TBC1D30: variants seen among roughly 807,000 people sequenced by gnomAD.
TBC1D30 encodes TBC1 domain family member 30.
Under a neutral mutation model 63.2 loss-of-function variants are expected in TBC1D30, and 31 were observed. The observed-to-expected ratio is 0.49, with a 90% CI of 0.37 to 0.66. The LOEUF (loss-of-function observed/expected upper bound fraction) is 0.66, where lower values mean the gene tolerates loss of function less well. Among genes scored for constraint, TBC1D30 ranks in the 30% least tolerant of loss-of-function variants. The probability of loss-of-function intolerance (pLI) is 0.00; values close to 1 mark genes in which losing one functional copy is unlikely to be tolerated. For synonymous variants in TBC1D30, 307 were observed against 361.5 expected (o/e 0.85, Z 1.71); for missense variants, 810 against 953.6 (o/e 0.85, Z 1.98).
At chr12:64,859,992 T>G (rs573405124) in intron 8 of TBC1D30, among the ~76,000 whole-genome samples, 8 of 151,418 alleles carry the variant, frequency 5.3e-5, no homozygotes, top group Admixed American at 2.0e-4. Context: ...TCCTCTGTAC[T>G]CCTCCAGTAC....
chr12:64,813,230 A>G (rs1873318849), intron 2 of TBC1D30, among the ~76,000 whole-genome samples: 1 of 152,146 alleles, frequency 6.6e-6, no homozygotes, highest in African/African-American at 2.4e-5. Context: ...TCTCTACTAA[A>G]AATACAAAAA....
At chr12:64,851,975 T>G (rs546600299) in intron 8 of TBC1D30, among the ~76,000 whole-genome samples, 1 of 152,286 alleles carries the variant, frequency 6.6e-6, no homozygotes, top group South Asian at 2.1e-4. Context: ...TCAACCTTGG[T>G]GAATCTGACG....
intron 8 of TBC1D30, among the ~76,000 whole-genome samples, chr12:64,861,439 G>A (rs2136451838): frequency 6.6e-6 from 1 of 152,086 alleles, no homozygotes; most frequent in South Asian, 2.1e-4. Flanking sequence ...CCAAAATAGT[G>A]CCAGATGAAA....
intron 1 of TBC1D30, among the ~76,000 whole-genome samples, chr12:64,767,714 C>T (rs186026990): frequency 7.3e-6 from 1 of 137,134 alleles, no homozygotes; most frequent in African/African-American, 2.7e-5. Context: ...ACATTGATGA[C>T]ATCATGCTGA....
intron 8 of TBC1D30, among the ~76,000 whole-genome samples, chr12:64,844,112 G>A (rs1028158414): frequency 3.3e-5 from 5 of 152,102 alleles, no homozygotes; most frequent in African/African-American, 1.2e-4. Context: ...CTTGTGGGGG[G>A]AAACACTTAT....
rs1336265266 is a variant in TBC1D30 at position 64,875,605 on chromosome 12, C to T, written c.2103C>T (p.Gly701=). Residue 701 remains glycine, a synonymous_variant, in exon 12 of 12, where the codon GGC becomes GGT. Transcript: ENST00000539867. ...AAGCCACCAGCAAAGCTCCCCAAGG[C>T]AGCAACTCAAAAACCCCCATCTTTA... ...ENKATSKAPQ[G]SNSKTPIFSP... The T allele has an allele frequency of 6.5e-7, 1 of 1,536,126 alleles. No individual in the cohort carries two copies. The highest frequency in any genetic ancestry group is 1.4e-5 in the African/African-American group (1 of 73,040).
At chr12:64,764,496 G>A (rs138444167) in intron 1 of TBC1D30, among the ~76,000 whole-genome samples, 37 of 152,226 alleles carry the variant, frequency 2.4e-4, no homozygotes, top group African/African-American at 8.2e-4. Flanking sequence ...TAATTCTCTT[G>A]CTAAAAACAA....
At position 64,838,754 on chromosome 12, in the gene TBC1D30, C is replaced by T. The variant is rs945679332; in HGVS notation, c.835C>T (p.Pro279Ser). The change falls in exon 7 of 12, where the codon CCT becomes TCT. Residue 279 changes from proline (P) to serine (S), a missense_variant. By Grantham distance (74) the Pro-to-Ser change is moderately conservative. Around this residue, in one of 4 missense-constraint regions of TBC1D30, gnomAD observed 5 missense variants for 23.2 expected, o/e 0.22. Transcript: ENST00000539867. ...TCTGACTCTCTTTGCCACATGCCTC[C>T]CTAATCAGACCGTTTTAAAGATCTG... Reference protein sequence around the residue: ...WFLTLFATCLPNQTVLKIWDS... With the variant: ...WFLTLFATCLSNQTVLKIWDS... 2 of 1,536,362 alleles carry T rather than the reference C, an allele frequency of 1.3e-6. No individual in the cohort carries two copies. Among genetic ancestry groups the T allele is most frequent in the African/African-American group, 2.7e-5 (2 of 73,000 alleles).
chr12:64,853,607 G>A (rs910689333), intron 8 of TBC1D30, among the ~76,000 whole-genome samples: 1 of 152,200 alleles, frequency 6.6e-6, no homozygotes, highest in Non-Finnish European at 1.5e-5. Context: ...TTGAAACCCA[G>A]GGCCCTGGTG....
intron 1 of TBC1D30, among the ~76,000 whole-genome samples, chr12:64,762,099 A>T (rs928476957): frequency 2.0e-5 from 3 of 152,220 alleles, no homozygotes; most frequent in African/African-American, 7.2e-5. Flanking sequence ...TGAGGAAGTG[A>T]TCTTTGAGTG....
chr12:64,801,890 C>T (rs1872597890), intron 2 of TBC1D30, among the ~76,000 whole-genome samples: 1 of 152,154 alleles, frequency 6.6e-6, no homozygotes, highest in Non-Finnish European at 1.5e-5. Context: ...CTTAAATGTG[C>T]ATCTAACCTT....
At chr12:64,838,607 A>G (rs1246019424) in intron 6 of TBC1D30, 76 bp from the exon 7 acceptor site, 6 of 1,392,078 alleles carry the variant, frequency 4.3e-6, no homozygotes, top group African/African-American at 1.4e-5. Context: ...GTGGACATGG[A>G]AGACTAGAAA....
upstream of TBC1D30, among the ~76,000 whole-genome samples, chr12:64,821,953 C>T (rs142217899): frequency 4.3e-3 from 653 of 152,314 alleles, 8 homozygotes; most frequent in African/African-American, 0.015. Context: ...CTCTGCCAGG[C>T]AGCTACAACT....
chr12:64,781,032 C>G (rs1041133656), exon 1 of TBC1D30: 27 of 1,027,182 alleles, frequency 2.6e-5, no homozygotes, highest in Non-Finnish European at 2.9e-5. Flanking sequence ...GGCGGCCGCA[C>G]AAGCCGCACG....
At chr12:64,872,965 G>A (rs1223352427) in intron 11 of TBC1D30, among the ~76,000 whole-genome samples, 13 of 152,140 alleles carry the variant, frequency 8.5e-5, no homozygotes, top group Non-Finnish European at 1.8e-4. Flanking sequence ...CCTACAACAC[G>A]TGGGAATTAT....
At chr12:64,870,550 C>A in intron 10 of TBC1D30, 52 bp from the exon 11 acceptor site, 1 of 1,431,564 alleles carries the variant, frequency 7.0e-7, no homozygotes, top group Non-Finnish European at 9.5e-7. Context: ...TTTCCATTTA[C>A]TCCTGTTCCC....
chr12:64,768,225 TATA>T (rs1273853811), intron 1 of TBC1D30: 1 of 152,196 alleles, frequency 6.6e-6, no homozygotes, highest in Non-Finnish European at 1.5e-5. Flanking sequence ...TAATAGGGGT[TATA>T]ATAATACATG....
At chr12:64,841,784 C>T (rs1399737556) in intron 7 of TBC1D30, among the ~76,000 whole-genome samples, 4 of 152,246 alleles carry the variant, frequency 2.6e-5, no homozygotes, top group Non-Finnish European at 5.9e-5. Flanking sequence ...CATTATTTCT[C>T]TTCCTTACCT....
chr12:64,869,138 T>A lies in TBC1D30; in HGVS notation c.1292-1464T>A, dbSNP rs946739653. Among the ~76,000 whole-genome samples, 4 of 152,230 alleles carry A rather than the reference T, an allele frequency of 2.6e-5. No homozygotes were observed. In the East Asian group the frequency reaches 7.7e-4, roughly 29 times the overall value. The stretch of plus-strand genomic sequence containing the variant: ...CTTCTAGTTTGAAGACCATTCTCCT[T>A]GTTCAAAGATATTAGAAATATGCTG... On this transcript the variant is annotated intron_variant, in intron 10 of 11. Transcript: ENST00000539867.
Sources: allele counts gnomAD v4.1 joint callset (sites outside exome capture counted in the v4.1 genomes callset), GRCh38; gene constraint gnomAD v4.1.1; regional missense constraint gnomAD v4.1.1; transcripts MANE v1.5; gene names NCBI Gene and HGNC (gene_info 2026-07-23, HGNC 2026-07-21).